The following PPP2R3A variants were observed in gnomAD, a reference collection of about 807,000 sequenced individuals.
The protein encoded by PPP2R3A is serine/threonine-protein phosphatase 2A regulatory subunit B'' subunit alpha.
Under a neutral mutation model 106.9 loss-of-function variants are expected in PPP2R3A, and 80 were observed. The observed-to-expected ratio is 0.75, with a 90% confidence interval of 0.62 to 0.90. The LOEUF (loss-of-function observed/expected upper bound fraction) is 0.90, where lower values mean the gene tolerates loss of function less well. Ranked by LOEUF, PPP2R3A falls within the 40% of genes least tolerant of loss-of-function variation. The pLI is 0.00. For missense variants in PPP2R3A, 1,386 were observed against 1,350.4 expected, an observed-to-expected ratio of 1.03 and a Z score of -0.41; for synonymous variants, 483 against 468.3, an observed-to-expected ratio of 1.03 and a Z score of -0.41.
chr3:136,081,761 C>G (rs980244450), intron 7 of PPP2R3A, among the ~76,000 whole-genome samples: 1 of 152,166 alleles, frequency 6.6e-6, no homozygotes, highest in African/African-American at 2.4e-5. Flanking sequence ...CCCTGCATCT[C>G]TACCTGCCAT....
intron 1 of PPP2R3A, among the ~76,000 whole-genome samples, chr3:135,993,410 G>T (rs1424736330): frequency 6.6e-6 from 1 of 152,282 alleles, no homozygotes; most frequent in African/African-American, 2.4e-5. Flanking sequence ...TATCTGAAAG[G>T]ATGTAGAGCT....
intron 12 of PPP2R3A, 37 bp downstream of exon 12, chr3:136,103,413 A>C: frequency 7.1e-7 from 1 of 1,416,126 alleles, no homozygotes; most frequent in Non-Finnish European, 9.9e-7. Flanking sequence ...TGAGGGCTGC[A>C]GTGTCAGGGG....
intron 13 of PPP2R3A, 136 bp downstream of exon 13, chr3:136,106,458 G>A (rs1403686429): frequency 5.7e-6 from 4 of 696,788 alleles, no homozygotes; most frequent in South Asian, 3.7e-5. Context: ...GCCAACTTTA[G>A]TTAAATGATT....
intron 13 of PPP2R3A, among the ~76,000 whole-genome samples, chr3:136,125,616 G>A (rs571060518): frequency 1.3e-5 from 2 of 152,282 alleles, no homozygotes; most frequent in African/African-American, 2.4e-5. Context: ...GGAGGCCAAG[G>A]TGGGAGGATC....
chr3:136,070,754 C>T (rs1472404453), intron 6 of PPP2R3A, among the ~76,000 whole-genome samples: 1 of 152,114 alleles, frequency 6.6e-6, no homozygotes, highest in Non-Finnish European at 1.5e-5. Flanking sequence ...CCAATACTTA[C>T]AAAATTAAAG....
intron 13 of PPP2R3A, among the ~76,000 whole-genome samples, chr3:136,128,098 G>C (rs1163354486): frequency 6.6e-6 from 1 of 152,132 alleles, no homozygotes; most frequent in Non-Finnish European, 1.5e-5. Flanking sequence ...TGAAGAAACT[G>C]TATCAATTAA....
chr3:135,986,319 C>T (rs1374428735), intron 1 of PPP2R3A, among the ~76,000 whole-genome samples: 2 of 152,066 alleles, frequency 1.3e-5, no homozygotes, highest in Non-Finnish European at 2.9e-5. Flanking sequence ...TCATCAGTCA[C>T]CATCATCTCT....
intron 6 of PPP2R3A, among the ~76,000 whole-genome samples, chr3:136,077,944 C>A (rs532123494): frequency 1.3e-5 from 2 of 152,142 alleles, no homozygotes; most frequent in Non-Finnish European, 2.9e-5. Flanking sequence ...CAGAATAAGG[C>A]CCTCTTGAAT....
chr3:136,023,861 A>G lies in PPP2R3A; in HGVS notation c.1996-2971A>G, dbSNP rs1934555033. 1.3e-5 allele frequency among the ~76,000 whole-genome samples: 2 copies of G among 152,088 alleles called. 1 individual carries two copies. The highest frequency in any genetic ancestry group is 4.1e-4 in the South Asian group (2 of 4,824). ...GTCCCTACTTTCTTGCTTAAAACCT[A>G]TGGCAGTGTTTCACCAAACAAGTGC... On this transcript the variant is annotated intron_variant, in intron 2 of 13. Transcript: ENST00000264977.
intron 2 of PPP2R3A, among the ~76,000 whole-genome samples, chr3:136,017,324 G>A (rs1934313102): frequency 6.6e-6 from 1 of 152,168 alleles, no homozygotes; most frequent in Non-Finnish European, 1.5e-5. Context: ...GAATTTCTCA[G>A]GTGATTTGGA....
At position 136,114,495 on chromosome 3, in the gene PPP2R3A, G is replaced by T. The variant is rs1333532392; in HGVS notation, c.3329+8173G>T. 2.0e-5 allele frequency among the ~76,000 whole-genome samples: 3 copies of T among 152,162 alleles called. No homozygotes were observed. In the East Asian group the frequency reaches 5.8e-4, roughly 29 times the overall value. ...GGAGCCAAGTGGTCTGGCTCAGTGG[G>T]TCCCACCCCCACAGAACCCAGCAAA... On this transcript the variant is annotated intron_variant, in intron 13 of 13. Transcript: ENST00000264977.
intron 2 of PPP2R3A, among the ~76,000 whole-genome samples, chr3:136,019,650 C>T (rs1458206473): frequency 1.3e-5 from 2 of 152,162 alleles, no homozygotes; most frequent in Non-Finnish European, 2.9e-5. Context: ...AGAAACCAAG[C>T]ATATATACTA....
chr3:136,030,782 GTATGTATGTA>G (rs1934853113), intron 3 of PPP2R3A, among the ~76,000 whole-genome samples: 1 of 83,686 alleles, frequency 1.2e-5, no homozygotes, highest in South Asian at 4.3e-4. Flanking sequence ...ATATATATAT[GTATGTATGTA>G]TGTATGTATG....
intron 1 of PPP2R3A, among the ~76,000 whole-genome samples, chr3:135,989,745 T>A (rs924275767): frequency 6.6e-6 from 1 of 152,152 alleles, no homozygotes; most frequent in Non-Finnish European, 1.5e-5. Context: ...GAGAGTTAAA[T>A]GAGTAAATTT....
chr3:136,081,809 A>G (rs746919935), intron 7 of PPP2R3A, among the ~76,000 whole-genome samples: 6 of 152,232 alleles, frequency 3.9e-5, no homozygotes, highest in Non-Finnish European at 7.3e-5. Context: ...ACTATTGTAT[A>G]TATGAGTAAC....
In PPP2R3A at chr3:135,999,632, T is replaced by C. The variant is rs1035512468; in HGVS notation, c.-440-1427T>C. On this transcript the variant is annotated intron_variant, in intron 1 of 13. Transcript: ENST00000264977. ...TGGTGCTACCCCTTGAGGTTTGGTT[T>C]TCTGCTGTTGATGTCCTTTCAAAAC... 1.3e-4 allele frequency among the ~76,000 whole-genome samples: 20 copies of C among 152,196 alleles called. 1 individual carries two copies.
At chr3:136,128,659 A>G (rs899470019) in intron 13 of PPP2R3A, among the ~76,000 whole-genome samples, 4 of 152,166 alleles carry the variant, frequency 2.6e-5, no homozygotes, top group Non-Finnish European at 5.9e-5. Context: ...CAGCTCTGCA[A>G]CAAGCGACCT....
chr3:136,100,856 A>G (rs1937342813), intron 10 of PPP2R3A, among the ~76,000 whole-genome samples: 1 of 152,150 alleles, frequency 6.6e-6, no homozygotes, highest in African/African-American at 2.4e-5. Flanking sequence ...TCTGAAGGCA[A>G]AACACCACAA....
At chr3:135,966,833 C>G (rs2107739501) in intron 1 of PPP2R3A, among the ~76,000 whole-genome samples, 1 of 152,184 alleles carries the variant, frequency 6.6e-6, no homozygotes, top group Admixed American at 6.5e-5. Context: ...TACAAAACAT[C>G]CCCCACACCT....
Sources: gnomAD v4.1 joint callset for allele counts (sites outside exome capture counted in the v4.1 genomes callset) on GRCh38, gnomAD v4.1.1 for gene constraint, MANE v1.5 for transcripts, NCBI Gene and HGNC (gene_info 2026-07-23, HGNC 2026-07-21) for gene names.